Variants in PRKCE observed in about 807,000 individuals in gnomAD.
PRKCE encodes the protein protein kinase C epsilon type.
In PRKCE, 16 loss-of-function variants were observed where a neutral mutation model predicts 85.4. The ratio of observed to expected loss-of-function variants is 0.19; its 90% CI spans 0.13 to 0.28. PRKCE has a LOEUF of 0.28. PRKCE is among the 10% of genes least tolerant of loss of function. PRKCE has a pLI of 1.00. For missense variants in PRKCE, 573 were observed against 975.2 expected (o/e 0.59, Z 5.49); for synonymous variants, 388 against 371.5 (o/e 1.04, Z -0.51).
chr2:45,651,907 C>A lies in PRKCE; in HGVS notation c.-194C>A. On this transcript the variant is annotated 5_prime_UTR_variant, in exon 1 of 15. Coordinates refer to ENST00000306156, the MANE Select transcript of PRKCE (RefSeq NM_005400.3). The stretch of plus-strand genomic sequence containing the variant: ...CCCCCTCCCTGTTTTCCGTTAGGAA[C>A]CCGGCGAGGAAATACATGCACTGGC... 2.0e-6 allele frequency: 1 copy of A among 502,090 alleles called. No homozygotes were observed. The highest frequency in any genetic ancestry group is 3.6e-5 in the South Asian group (1 of 28,030). The allele number at this position is 502,090 out of a possible 1,614,324, so 31.1% of individuals were successfully genotyped here.
chr2:46,084,669 C>T (rs1044405862), intron 10 of PRKCE, among the ~76,000 whole-genome samples: 1 of 145,418 alleles, frequency 6.9e-6, no homozygotes, highest in African/African-American at 2.6e-5. Context: ...TTGCAGTGAG[C>T]TGAGATCGCA....
chr2:45,774,721 C>T lies in PRKCE; in HGVS notation c.349-68279C>T, dbSNP rs1460306654. Among the ~76,000 whole-genome samples the T allele has an allele frequency of 6.6e-6, 1 of 152,076 alleles. No individual in the cohort carries two copies. Among genetic ancestry groups the T allele is most frequent in the East Asian group, 1.9e-4 (1 of 5,144 alleles). ...CCACCTTGCCTTCTGATAGATGAAT[C>T]AAGCCGGGACGCCCAGTCACCCTGA... On this transcript the variant is annotated intron_variant, in intron 1 of 14. Transcript: ENST00000306156. The surrounding 1 kb of genome is among the most constrained non-coding windows in gnomAD (Gnocchi z 4.3).
rs1676871581 is a variant in PRKCE at position 46,153,720 on chromosome 2, G to T, written c.1920+2491G>T. On this transcript the variant is annotated intron_variant, in intron 13 of 14. Transcript: ENST00000306156. ...GGATGGCGGTGTCTGAGTATGCAGG[G>T]CTGCTTCTTCTTCTTCGTCCTCCTC... Among the ~76,000 whole-genome samples, 5 of 152,000 alleles carry T rather than the reference G, an allele frequency of 3.3e-5. No homozygotes were observed. In the South Asian group the frequency reaches 1.0e-3, roughly 32 times the overall value.
At chr2:45,824,949 C>T (rs920217168) in intron 1 of PRKCE, among the ~76,000 whole-genome samples, 3 of 152,138 alleles carry the variant, frequency 2.0e-5, no homozygotes, top group African/African-American at 7.2e-5. Flanking sequence ...GGGCAGGAGA[C>T]GGGGTTGGAG....
intron 2 of PRKCE, among the ~76,000 whole-genome samples, chr2:45,942,975 G>A (rs1699992291): frequency 6.6e-6 from 1 of 152,160 alleles, no homozygotes; most frequent in South Asian, 2.1e-4. Flanking sequence ...AGCTGCTGCT[G>A]TTCTTAATAT....
chr2:45,667,317 A>T (rs1675962420), intron 1 of PRKCE, among the ~76,000 whole-genome samples: 1 of 152,040 alleles, frequency 6.6e-6, no homozygotes, highest in African/African-American at 2.4e-5. Flanking sequence ...TCTCAAAAAA[A>T]AATTTTTTTT....
Position 45,903,916 on chromosome 2 carries a change from T to TTTG in PRKCE, c.412+60855_412+60856insGTT, listed in dbSNP as rs1273983516. On this transcript the variant is annotated intron_variant, in intron 2 of 14. Transcript: ENST00000306156. ...GTTTGTTTGTTTGTTTGTTTGTTTGTTTTTTTTGGCAGGGTCTCACTCTGT... is the reference window on the plus strand; with the variant it reads ...GTTTGTTTGTTTGTTTGTTTGTTTGTTTGTTTTTTTGGCAGGGTCTCACTCTGT... Among the ~76,000 whole-genome samples the TTTG allele has an allele frequency of 1.1e-3, 106 of 96,930 alleles. 2 individuals are homozygous for TTTG. Among genetic ancestry groups the TTTG allele is most frequent in the African/African-American group, 2.8e-3 (99 of 35,584 alleles). The allele number at this position is 96,930 out of a possible 152,430, so 63.6% of individuals were successfully genotyped here.
Position 46,138,546 on chromosome 2 carries a change from C to G in PRKCE, c.1593-6547C>G, listed in dbSNP as rs1205250923. On this transcript the variant is annotated intron_variant, in intron 11 of 14. Transcript: ENST00000306156. The surrounding 1 kb of genome is among the most constrained non-coding windows in gnomAD (Gnocchi z 4.2). ...GATGTACCAGGCGAATGCACCCTTT[C>G]CTTATAGCCAGGATGTGCTTTCCAA... is the stretch of plus-strand genomic sequence containing the variant. Among the ~76,000 whole-genome samples the G allele has an allele frequency of 6.6e-6, 1 of 152,194 alleles. No homozygotes were observed. Among genetic ancestry groups the G allele is most frequent in the Non-Finnish European group, 1.5e-5 (1 of 68,050 alleles).
chr2:46,148,380 C>T (rs1440221760), intron 12 of PRKCE, among the ~76,000 whole-genome samples: 3 of 152,220 alleles, frequency 2.0e-5, no homozygotes, highest in Non-Finnish European at 2.9e-5. Context: ...AAAGATGCCA[C>T]CCAAAATGAG....
intron 10 of PRKCE, among the ~76,000 whole-genome samples, chr2:46,085,755 G>GTT (rs869284473): frequency 4.6e-5 from 1 of 21,558 alleles, no homozygotes; most frequent in Non-Finnish European, 9.2e-5. Context: ...TTTTGTTTTT[G>GTT]TTTTTTTTTT....
intron 3 of PRKCE, 57 bp from the exon 4 acceptor site, chr2:45,978,919 G>T: frequency 6.4e-7 from 1 of 1,554,958 alleles, no homozygotes; most frequent in Non-Finnish European, 8.8e-7. Context: ...TTTTCTGTTT[G>T]TTTTTTGACC....
intron 11 of PRKCE, among the ~76,000 whole-genome samples, chr2:46,093,897 T>C (rs2103985204): frequency 6.6e-6 from 1 of 152,310 alleles, no homozygotes; most frequent in East Asian, 1.9e-4. Flanking sequence ...TTATTATAAC[T>C]GTGAAATACC....
intron 10 of PRKCE, among the ~76,000 whole-genome samples, chr2:46,066,854 G>A (rs746999089): frequency 6.6e-6 from 1 of 152,112 alleles, no homozygotes; most frequent in East Asian, 1.9e-4. Flanking sequence ...TAACTAAGTT[G>A]GCAGAGTTTT....
chr2:45,890,489 C>T (rs1378943282), intron 2 of PRKCE, among the ~76,000 whole-genome samples: 3 of 152,096 alleles, frequency 2.0e-5, no homozygotes, highest in South Asian at 2.1e-4. Flanking sequence ...AAGCAATTCT[C>T]GTGCCTCAGC....
intron 10 of PRKCE, among the ~76,000 whole-genome samples, chr2:46,077,261 G>A (rs1668642140): frequency 6.6e-6 from 1 of 152,018 alleles, no homozygotes; most frequent in South Asian, 2.1e-4. Context: ...AGATGGATGT[G>A]TTTATGGAAT....
intron 10 of PRKCE, among the ~76,000 whole-genome samples, chr2:46,067,842 A>G (rs12712963): frequency 0.34 from 51,657 of 152,060 alleles, 9,270 homozygotes; most frequent in Non-Finnish European, 0.4. Flanking sequence ...CCAAGAATAT[A>G]ACGCAAGGTA....
At chr2:45,806,822 G>A (rs966266824) in intron 1 of PRKCE, among the ~76,000 whole-genome samples, 2 of 152,180 alleles carry the variant, frequency 1.3e-5, no homozygotes, top group Admixed American at 6.5e-5. Context: ...GTACGTCAGG[G>A]ACTAAGGAGG....
Position 45,907,812 on chromosome 2 carries a change from A to G in PRKCE, c.412+64749A>G, listed in dbSNP as rs565644379. 6.6e-6 allele frequency among the ~76,000 whole-genome samples: 1 copy of G among 152,264 alleles called. No individual in the cohort carries two copies. The highest frequency in any genetic ancestry group is 1.9e-4 in the East Asian group (1 of 5,180). On this transcript the variant is annotated intron_variant, in intron 2 of 14. Coordinates refer to ENST00000306156, the MANE Select transcript of PRKCE (RefSeq NM_005400.3). This position sits in a 1 kb window ranked among gnomAD's most constrained non-coding sequence, Gnocchi z 4.5. ...TGAAGTGGGTGTCATAGCAGTCCCT[A>G]CTTCACAGCCTCACCGTGCCCATCC...
chr2:46,027,586 A>G (rs1469387527), intron 10 of PRKCE, among the ~76,000 whole-genome samples: 1 of 152,214 alleles, frequency 6.6e-6, no homozygotes, highest in African/African-American at 2.4e-5. Flanking sequence ...GGGAAGGGGA[A>G]CAAGAACATG....
Sources: gnomAD v4.1 joint callset for allele counts (sites outside exome capture counted in the v4.1 genomes callset) on GRCh38, gnomAD v4.1.1 for gene constraint, Gnocchi (gnomAD v3.1) non-coding constraint, MANE v1.5 for transcripts, NCBI Gene and HGNC (gene_info 2026-07-23, HGNC 2026-07-21) for gene names.